STXBP4: variants seen among roughly 807,000 people sequenced by gnomAD.
The protein encoded by STXBP4 is syntaxin-binding protein 4.
STXBP4 carries 55 observed loss-of-function variants against 76.1 expected under a neutral mutation model. That is an observed-to-expected ratio of 0.72 (90% CI 0.58 to 0.91). The LOEUF (loss-of-function observed/expected upper bound fraction) is 0.91, where lower values mean the gene tolerates loss of function less well. Ranked by LOEUF, STXBP4 falls within the 40% of genes least tolerant of loss-of-function variation. STXBP4 has a pLI of 0.00. For missense variants in STXBP4, 618 were observed against 636.9 expected, an observed-to-expected ratio of 0.97 and a Z score of 0.32; for synonymous variants, 201 against 220.2, an observed-to-expected ratio of 0.91 and a Z score of 0.77.
the STXBP4 span, among the ~76,000 whole-genome samples, chr17:55,209,682 A>C: frequency 1.3e-5 from 2 of 152,218 alleles, no homozygotes; most frequent in African/African-American, 4.8e-5. Flanking sequence ...CACGTGCTCA[A>C]CTAGTCAATG....
chr17:55,111,369 TA>T (rs1222833771), intron 16 of STXBP4, among the ~76,000 whole-genome samples: 1 of 152,226 alleles, frequency 6.6e-6, no homozygotes, highest in Non-Finnish European at 1.5e-5. Flanking sequence ...TGTAGTTCTT[TA>T]AACATGTCAA....
At chr17:55,036,666 A>G (rs1161347575) in intron 10 of STXBP4, among the ~76,000 whole-genome samples, 1 of 151,416 alleles carries the variant, frequency 6.6e-6, no homozygotes, top group Non-Finnish European at 1.5e-5. Flanking sequence ...TAAATAAATG[A>G]TATGGTCAGT....
At chr17:55,075,815 T>C (rs541692089) in intron 13 of STXBP4, among the ~76,000 whole-genome samples, 12 of 152,298 alleles carry the variant, frequency 7.9e-5, no homozygotes, top group African/African-American at 2.6e-4. Flanking sequence ...TCATGAGAGC[T>C]GATTGCATGC....
chr17:55,145,470 A>G (rs1308798983), intron 17 of STXBP4, among the ~76,000 whole-genome samples: 1 of 152,232 alleles, frequency 6.6e-6, no homozygotes, highest in Non-Finnish European at 1.5e-5. Context: ...TTGAATTGTT[A>G]CATCTGATGG....
chr17:55,025,862 A>G (rs570757581), intron 8 of STXBP4, among the ~76,000 whole-genome samples: 1 of 152,354 alleles, frequency 6.6e-6, no homozygotes. Context: ...TTCCCAGATG[A>G]TGTGATCTTG....
At chr17:55,045,331 A>C (rs2078770713) in intron 11 of STXBP4, among the ~76,000 whole-genome samples, 1 of 152,078 alleles carries the variant, frequency 6.6e-6, no homozygotes, top group South Asian at 2.1e-4. Flanking sequence ...ATTGACAATG[A>C]TTTCCTTATA....
chr17:55,185,354 C>A, the STXBP4 span, among the ~76,000 whole-genome samples: 32 of 149,790 alleles, frequency 2.1e-4, no homozygotes, highest in African/African-American at 6.2e-4. Context: ...CCTCCTTCTC[C>A]TCCTCCTTCT....
intron 16 of STXBP4, among the ~76,000 whole-genome samples, chr17:55,132,837 A>G (rs1447430283): frequency 6.6e-6 from 1 of 152,184 alleles, no homozygotes; most frequent in Non-Finnish European, 1.5e-5. Flanking sequence ...GCAGACCCTG[A>G]AAGGAAATGA....
At chr17:54,978,095 C>T (rs761769967) in intron 1 of STXBP4, among the ~76,000 whole-genome samples, 15 of 151,962 alleles carry the variant, frequency 9.9e-5, no homozygotes, top group Non-Finnish European at 2.1e-4. Flanking sequence ...TAGAGGTGGA[C>T]GTATATTTTA....
In STXBP4 at chr17:55,104,108, T is replaced by C. The variant is rs2079599694; in HGVS notation, c.1489+22925T>C. ...TTGACTTCCTCTATTCCTATTCGAA[T>C]ACCCTTTATTTCTTTCTCTTGCCTG... On this transcript the variant is annotated intron_variant, in intron 16 of 17. Coordinates refer to ENST00000376352, the MANE Select transcript of STXBP4 (RefSeq NM_178509.6). Among the ~76,000 whole-genome samples the C allele has an allele frequency of 1.3e-5, 2 of 152,200 alleles. 1 individual carries two copies. Among genetic ancestry groups the C allele is most frequent in the South Asian group, 4.1e-4 (2 of 4,830 alleles).
intron 8 of STXBP4, among the ~76,000 whole-genome samples, chr17:55,023,869 T>C (rs1223458292): frequency 6.8e-6 from 1 of 147,268 alleles, no homozygotes; most frequent in East Asian, 2.0e-4. Flanking sequence ...AACTGGTATC[T>C]TTACTTAGAG....
In STXBP4 at chr17:55,081,156, T is replaced by A; in HGVS notation, c.1462T>A (p.Ser488Thr). ...GCTTGAATCTAAGGAACTTGTTAAA[T>A]CTGTTCGTGCCTTACTTGATATGGA... is the stretch of plus-strand genomic sequence containing the variant. ...LALESKELVK[S>T]VRALLDMDCL... Residue 488 changes from serine to threonine, a missense_variant, in exon 16 of 18, where the codon TCT becomes ACT. Physicochemically the swap from Ser to Thr is moderately conservative, Grantham distance 58 (BLOSUM62 1). Coordinates refer to ENST00000376352, the MANE Select transcript of STXBP4 (RefSeq NM_178509.6). The A allele has an allele frequency of 6.5e-7, 1 of 1,531,216 alleles. No individual in the cohort carries two copies. The highest frequency in any genetic ancestry group is 8.7e-7 in the Non-Finnish European group (1 of 1,145,000). 94.9% of individuals were successfully genotyped at this position (1,531,216 alleles called of 1,614,324 possible).
intron 16 of STXBP4, among the ~76,000 whole-genome samples, chr17:55,138,577 C>G (rs1437418813): frequency 1.3e-5 from 2 of 151,906 alleles, no homozygotes; most frequent in African/African-American, 2.4e-5. Context: ...TACTTCTAAT[C>G]AAAAGCAATT....
At chr17:54,991,142 C>A (rs2077711093) in intron 4 of STXBP4, 185 bp downstream of exon 4, 2 of 434,094 alleles carry the variant, frequency 4.6e-6, no homozygotes, top group Non-Finnish European at 7.4e-6. Context: ...TAAATAGGTT[C>A]TTCTTCTATG....
At chr17:54,984,069 CT>C (rs1293934640) in intron 1 of STXBP4, among the ~76,000 whole-genome samples, 1 of 152,092 alleles carries the variant, frequency 6.6e-6, no homozygotes, top group Non-Finnish European at 1.5e-5. Flanking sequence ...CTGTTGCTTG[CT>C]ACTACAGAGG....
At chr17:55,198,954 AG>A in the STXBP4 span, among the ~76,000 whole-genome samples, 1 of 152,340 alleles carries the variant, frequency 6.6e-6, no homozygotes, top group East Asian at 1.9e-4. Flanking sequence ...AGTACTATAA[AG>A]GCTCTGACAC....
In STXBP4 at chr17:55,159,914, G is replaced by GTT. The variant is rs754924646; in HGVS notation, c.*6_*7dup. 6.3e-7 allele frequency: 1 copy of GTT among 1,589,072 alleles called. No individual in the cohort carries two copies. The highest frequency in any genetic ancestry group is 1.3e-5 in the African/African-American group (1 of 74,332). ...AACTCCCCAACCAGAAAAGTTGATG[G>GTT]TTTTCCTTAGGAAGTGGAGCTACAT... On this transcript the variant is annotated 3_prime_UTR_variant, in exon 18 of 18. Transcript: ENST00000376352.
chr17:55,183,974 A>G, the STXBP4 span, among the ~76,000 whole-genome samples: 199 of 152,312 alleles, frequency 1.3e-3, no homozygotes, highest in African/African-American at 4.4e-3. Context: ...AATCTGAACA[A>G]CACATTTATA....
chr17:55,036,063 C>T (rs75576048), intron 10 of STXBP4, among the ~76,000 whole-genome samples: 1,682 of 151,982 alleles, frequency 0.011, 28 homozygotes, highest in African/African-American at 0.038. Flanking sequence ...TGCAATACAT[C>T]GTTATTAACT....
Sources: gnomAD v4.1 joint callset for allele counts (sites outside exome capture counted in the v4.1 genomes callset) on GRCh38, gnomAD v4.1.1 for gene constraint, MANE v1.5 for transcripts, NCBI Gene and HGNC (gene_info 2026-07-23, HGNC 2026-07-21) for gene names.